NDST3: variants seen among roughly 807,000 people sequenced by gnomAD.
NDST3 encodes the protein N-deacetylase and N-sulfotransferase 3, also known as bifunctional heparan sulfate N-deacetylase/N-sulfotransferase 3.
Under a neutral mutation model 96.1 loss-of-function variants are expected in NDST3, and 58 were observed. That is an observed-to-expected ratio of 0.60 (90% CI 0.49 to 0.75). NDST3 has a LOEUF of 0.75. Among genes scored for constraint, NDST3 ranks in the 30% least tolerant of loss-of-function variants. The probability of loss-of-function intolerance (pLI) is 0.00; values close to 1 mark genes in which losing one functional copy is unlikely to be tolerated. For missense variants in NDST3, 788 were observed against 1,034.2 expected, an observed-to-expected ratio of 0.76 and a Z score of 3.27; for synonymous variants, 333 against 359.7, an observed-to-expected ratio of 0.93 and a Z score of 0.84.
intron 1 of NDST3, among the ~76,000 whole-genome samples, chr4:118,043,062 A>G (rs1341676568): frequency 6.6e-6 from 1 of 152,220 alleles, no homozygotes; most frequent in African/African-American, 2.4e-5. Context: ...TGTCCACAGT[A>G]TTTACTACAG....
chr4:118,183,808 C>T (rs943486929), intron 6 of NDST3, among the ~76,000 whole-genome samples: 5 of 152,210 alleles, frequency 3.3e-5, no homozygotes, highest in African/African-American at 9.7e-5. Flanking sequence ...TCCTCTTAAT[C>T]GTAAATTGGC....
chr4:118,227,607 CTTTTT>C (rs67330081), intron 8 of NDST3, among the ~76,000 whole-genome samples: 13 of 106,120 alleles, frequency 1.2e-4, no homozygotes, highest in Non-Finnish European at 1.7e-4. Flanking sequence ...TCACCATAAA[CTTTTT>C]TTTTTTTTTT....
chr4:118,169,723 G>A (rs893008218), intron 6 of NDST3, among the ~76,000 whole-genome samples: 1 of 151,980 alleles, frequency 6.6e-6, no homozygotes, highest in Admixed American at 6.6e-5. Context: ...GAACCCAGGA[G>A]GCGGAGGTTG....
intron 7 of NDST3, 47 bp from the exon 8 acceptor site, chr4:118,226,839 A>T (rs770563447): frequency 7.6e-7 from 1 of 1,315,612 alleles, no homozygotes; most frequent in South Asian, 1.3e-5. Context: ...CACACAATGG[A>T]CACATTCATG....
At chr4:118,135,365 G>A (rs962427174) in intron 4 of NDST3, among the ~76,000 whole-genome samples, 3 of 152,144 alleles carry the variant, frequency 2.0e-5, no homozygotes. Context: ...GTCTCTTTTA[G>A]TGGAAAATAA....
chr4:118,155,675 T>A (rs1480597830), intron 6 of NDST3, among the ~76,000 whole-genome samples: 1 of 152,228 alleles, frequency 6.6e-6, no homozygotes, highest in East Asian at 1.9e-4. Context: ...TTGTTTAGAT[T>A]ATTTAACCAA....
intron 6 of NDST3, among the ~76,000 whole-genome samples, chr4:118,188,461 T>G (rs994213592): frequency 6.6e-6 from 1 of 152,012 alleles, no homozygotes; most frequent in South Asian, 2.1e-4. Context: ...ACATTTAACA[T>G]TGGACTTATG....
chr4:118,226,051 GT>G lies in NDST3; in HGVS notation c.1723-833del, dbSNP rs548556582. Among the ~76,000 whole-genome samples, 43 of 151,216 alleles carry G rather than the reference GT, an allele frequency of 2.8e-4. No homozygotes were observed. In the South Asian group the frequency reaches 8.6e-3, roughly 30 times the overall value. The stretch of plus-strand genomic sequence containing the variant: ...TACTCTCACTTTAGTCTTAACATCT[GT>G]TGCTTATTAAAAATAAGCAGAAGTC... On this transcript the variant is annotated intron_variant, in intron 7 of 13. Transcript: ENST00000296499.
intron 6 of NDST3, among the ~76,000 whole-genome samples, chr4:118,204,297 A>T (rs112269249): frequency 0.69 from 88,534 of 128,168 alleles, 35,731 homozygotes; most frequent in South Asian, 0.88. Flanking sequence ...TTAAAAAAAA[A>T]AAAAAGCCTT....
chr4:118,115,085 T>A, intron 4 of NDST3, 125 bp downstream of exon 4: 1 of 978,398 alleles, frequency 1.0e-6, no homozygotes, highest in Non-Finnish European at 1.5e-6. Context: ...AATATTTTGG[T>A]ATTGCCGCCT....
intron 4 of NDST3, among the ~76,000 whole-genome samples, chr4:118,124,669 C>T (rs1731892615): frequency 6.6e-6 from 1 of 151,920 alleles, no homozygotes; most frequent in Non-Finnish European, 1.5e-5. Context: ...ATGGGTTTGG[C>T]TATTTTGAGA....
At position 118,143,445 on chromosome 4, in the gene NDST3, C is replaced by A. The variant is rs369281202; in HGVS notation, c.1411-111C>A. 9.7e-6 allele frequency: 11 copies of A among 1,132,484 alleles called. 1 individual carries two copies. In the East Asian group the frequency reaches 2.4e-4, roughly 25 times the overall value. 70.2% of individuals were successfully genotyped at this position (1,132,484 alleles called of 1,614,324 possible). A position where few individuals can be genotyped will look rare whatever the true frequency, so the allele number is the denominator to read the frequency against. On this transcript the variant is annotated intron_variant, in intron 5 of 13. Coordinates refer to ENST00000296499, the MANE Select transcript of NDST3 (RefSeq NM_004784.3). ...ATAGATTGTCCAGGCCCTGGTTAGACCTGAATAATTCACTAGCTTGTGCAT... is the reference window on the plus strand; with the variant it reads ...ATAGATTGTCCAGGCCCTGGTTAGAACTGAATAATTCACTAGCTTGTGCAT...
chr4:118,195,144 G>A (rs181400471), intron 6 of NDST3, among the ~76,000 whole-genome samples: 9 of 152,310 alleles, frequency 5.9e-5, no homozygotes, highest in Non-Finnish European at 1.0e-4. Flanking sequence ...AACATGGAAT[G>A]TATTTCTCTT....
At chr4:118,237,329 G>A in intron 10 of NDST3, 109 bp downstream of exon 10, 1 of 890,122 alleles carries the variant, frequency 1.1e-6, no homozygotes, top group Admixed American at 3.9e-5. Flanking sequence ...AGATTTGCTA[G>A]TTGTTTGATA....
intron 6 of NDST3, among the ~76,000 whole-genome samples, chr4:118,170,681 A>G (rs1017095386): frequency 1.4e-4 from 22 of 152,200 alleles, no homozygotes; most frequent in Non-Finnish European, 1.0e-4. Flanking sequence ...GTGAGCCGAG[A>G]TCGCACCACT....
At chr4:118,197,572 G>A (rs1398520247) in intron 6 of NDST3, among the ~76,000 whole-genome samples, 6 of 151,876 alleles carry the variant, frequency 4.0e-5, no homozygotes, top group Admixed American at 3.9e-4. Flanking sequence ...GACCTTCTTT[G>A]TCTATTCTTA....
rs778099671 is a variant in NDST3, at chr4:118,256,517, T to C, written c.*805T>C. ...GACTGAATCCTCTAAAAGGGAGAAATTGTAGGGGTCTAAAAACATATCATC... is the reference window on the plus strand; with the variant it reads ...GACTGAATCCTCTAAAAGGGAGAAACTGTAGGGGTCTAAAAACATATCATC... On this transcript the variant is annotated 3_prime_UTR_variant, in exon 14 of 14. Transcript: ENST00000296499. 1 of 152,000 alleles carries C rather than the reference T, an allele frequency of 6.6e-6. No homozygotes were observed. The highest frequency in any genetic ancestry group is 1.5e-5 in the Non-Finnish European group (1 of 68,000). The allele number at this position is 152,000 out of a possible 1,614,324, so 9.4% of individuals were successfully genotyped here. A position where few individuals can be genotyped will look rare whatever the true frequency, so the allele number is the denominator to read the frequency against.
At chr4:118,194,736 TCTC>T in intron 6 of NDST3, 1 of 506,244 alleles carries the variant, frequency 2.0e-6, no homozygotes, top group Non-Finnish European at 3.6e-6. Flanking sequence ...GTCTCCTTCA[TCTC>T]CTCAACTGTC....
chr4:118,047,707 T>G (rs949614798), intron 1 of NDST3, among the ~76,000 whole-genome samples: 1 of 151,922 alleles, frequency 6.6e-6, no homozygotes, highest in East Asian at 1.9e-4. Context: ...TAAAGAAAAA[T>G]AATTGTTAGA....
Sources: allele counts gnomAD v4.1 joint callset (sites outside exome capture counted in the v4.1 genomes callset), GRCh38; gene constraint gnomAD v4.1.1; transcripts MANE v1.5; gene names NCBI Gene and HGNC (gene_info 2026-07-23, HGNC 2026-07-21).